The following CBR4 variants were observed in gnomAD, a reference collection of about 807,000 sequenced individuals.
CBR4 encodes 3-oxoacyl-[acyl-carrier-protein] reductase.
A neutral mutation model predicts 21.0 loss-of-function variants in CBR4; 22 were observed. The ratio of observed to expected loss-of-function variants is 1.05; its 90% confidence interval spans 0.75 to 1.50. The LOEUF (loss-of-function observed/expected upper bound fraction) is 1.50, where lower values mean the gene tolerates loss of function less well. Ranked by LOEUF, CBR4 falls within the 40% of genes most tolerant of loss-of-function variation. CBR4 has a pLI of 0.00. For synonymous variants in CBR4, 100 were observed against 104.4 expected (o/e 0.96, Z 0.26); for missense variants, 302 against 286.3 (o/e 1.05, Z -0.40).
At chr4:168,955,195 G>A (rs540351966) in intron 2 of CBR4, among the ~76,000 whole-genome samples, 64 of 152,290 alleles carry the variant, frequency 4.2e-4, no homozygotes, top group Non-Finnish European at 6.6e-4. Context: ...GCAATGTAGG[G>A]TGCTAGTCAA....
At chr4:168,990,479 C>A in intron 4 of CBR4, 151 bp from the exon 5 acceptor site, 1 of 619,380 alleles carries the variant, frequency 1.6e-6, no homozygotes, top group Non-Finnish European at 2.5e-6. Flanking sequence ...CTCTGTCACC[C>A]AAGCTAGAAT....
chr4:168,995,386 C>T (rs545819153), intron 4 of CBR4, among the ~76,000 whole-genome samples: 6 of 151,966 alleles, frequency 3.9e-5, no homozygotes, highest in South Asian at 2.1e-4. Flanking sequence ...TTTTTCACCT[C>T]GGGGAAAAAA....
chr4:168,923,806 T>TCATGGCAAA (rs1328098010), intron 2 of CBR4, among the ~76,000 whole-genome samples: 1 of 152,186 alleles, frequency 6.6e-6, no homozygotes, highest in Admixed American at 6.5e-5. Flanking sequence ...TTCAGAATAT[T>TCATGGCAAA]CATGGCAAAC....
chr4:168,905,145 T>TC, intron 2 of CBR4, among the ~76,000 whole-genome samples: 1 of 33,328 alleles, frequency 3.0e-5, no homozygotes, highest in South Asian at 1.7e-3. Context: ...TTGGTTTTTT[T>TC]TTTTTTTTTT....
intron 2 of CBR4, among the ~76,000 whole-genome samples, chr4:168,910,056 TAG>T (rs1038538588): frequency 6.6e-6 from 1 of 152,076 alleles, no homozygotes; most frequent in African/African-American, 2.4e-5. Context: ...GGTATCAGAA[TAG>T]AGAGATTACA....
At chr4:168,953,962 C>A (rs1199252823) in intron 2 of CBR4, among the ~76,000 whole-genome samples, 1 of 151,970 alleles carries the variant, frequency 6.6e-6, no homozygotes, top group Non-Finnish European at 1.5e-5. Flanking sequence ...AGAAAAGGAA[C>A]TCTCAGAAAG....
In CBR4 at chr4:168,987,689, AG is replaced by A. The variant is rs1293591369; in HGVS notation, c.*2460del. ...TACACATATTCCTTTTGAAAATCTT[AG>A]AAAAAATGTTTCACCAATGTTAAGG... On this transcript the variant is annotated 3_prime_UTR_variant, in exon 5 of 5. Coordinates refer to ENST00000306193, the MANE Select transcript of CBR4 (RefSeq NM_032783.5). 1.0e-6 allele frequency: 1 copy of A among 981,970 alleles called. No homozygotes were observed. Among genetic ancestry groups the A allele is most frequent in the Non-Finnish European group, 1.2e-6 (1 of 826,848 alleles). 60.8% of individuals were successfully genotyped at this position (981,970 alleles called of 1,614,324 possible). A position where few individuals can be genotyped will look rare whatever the true frequency, so the allele number is the denominator to read the frequency against.
rs70961566 is a variant in CBR4 at position 168,971,436 on chromosome 4, A to ATTTTTTTTTTTTTTTTTTTTT, written n.169+30614_169+30634dup. ...AGGCACACACCACCATGCCCAGCTC[A>ATTTTTTTTTTTTTTTTTTTTT]TTTTTTTTTTTTTTTTTTTTTTGTA... On this transcript the variant is annotated intron_variant and non_coding_transcript_variant, in intron 2 of 3. Transcript: ENST00000509108. Among the ~76,000 whole-genome samples the ATTTTTTTTTTTTTTTTTTTTT allele has an allele frequency of 4.4e-5, 5 of 114,118 alleles. 1 individual carries two copies. The highest frequency in any genetic ancestry group is 7.0e-5 in the Non-Finnish European group (4 of 57,154). The allele number at this position is 114,118 out of a possible 152,430, so 74.9% of individuals were successfully genotyped here. A position where few individuals can be genotyped will look rare whatever the true frequency, so the allele number is the denominator to read the frequency against.
intron 2 of CBR4, among the ~76,000 whole-genome samples, chr4:168,916,902 T>A (rs1458882912): frequency 6.6e-6 from 1 of 150,752 alleles, no homozygotes; most frequent in Non-Finnish European, 1.5e-5. Context: ...AACTCCTGAC[T>A]TCATGATCCG....
intron 2 of CBR4, among the ~76,000 whole-genome samples, chr4:168,935,289 T>C (rs775642028): frequency 6.6e-6 from 1 of 152,272 alleles, no homozygotes; most frequent in Admixed American, 6.5e-5. Context: ...ATAGACCAGA[T>C]GCCTGTGCCA....
chr4:168,923,806 TCATGGCAAA>T (rs1328098010), intron 2 of CBR4, among the ~76,000 whole-genome samples: 1 of 152,186 alleles, frequency 6.6e-6, no homozygotes. Context: ...TTCAGAATAT[TCATGGCAAA>T]CATGGCAAAC....
At chr4:169,008,590 C>CGAT (rs959208993) in intron 1 of CBR4, among the ~76,000 whole-genome samples, 2 of 152,126 alleles carry the variant, frequency 1.3e-5, no homozygotes, top group African/African-American at 4.8e-5. Flanking sequence ...AGATGAAAAC[C>CGAT]AATCACTCAT....
intron 2 of CBR4, among the ~76,000 whole-genome samples, chr4:168,971,656 T>C (rs1297636085): frequency 6.6e-6 from 1 of 152,146 alleles, no homozygotes; most frequent in Non-Finnish European, 1.5e-5. Context: ...TATTTGTTTT[T>C]TTCTTGCTGA....
chr4:168,924,353 G>A lies in CBR4; in HGVS notation n.170-29588C>T, dbSNP rs115621618. On this transcript the variant is annotated intron_variant and non_coding_transcript_variant, in intron 2 of 3. Transcript: ENST00000509108. ...GCGGCTGGAATGTCGTGTATTGGGAGTGCCACCACCTCAGATATTTTGGAA... is the reference window on the plus strand; with the variant it reads ...GCGGCTGGAATGTCGTGTATTGGGAATGCCACCACCTCAGATATTTTGGAA... 1 of 1,613,926 alleles carries A rather than the reference G, an allele frequency of 6.2e-7. No homozygotes were observed. Among genetic ancestry groups the A allele is most frequent in the South Asian group, 1.1e-5 (1 of 91,076 alleles).
intron 2 of CBR4, among the ~76,000 whole-genome samples, chr4:168,916,441 G>A (rs1445452184): frequency 2.0e-5 from 3 of 151,584 alleles, no homozygotes; most frequent in Non-Finnish European, 2.9e-5. Flanking sequence ...TTAAGGGGGG[G>A]AAAAAGTGAA....
chr4:168,917,300 G>A (rs1030666445), intron 2 of CBR4, among the ~76,000 whole-genome samples: 2 of 151,364 alleles, frequency 1.3e-5, no homozygotes, highest in Admixed American at 6.6e-5. Context: ...CGCCCTCCTC[G>A]GCCTTCCAAA....
chr4:168,986,817 C>G (rs983068222), downstream of CBR4, among the ~76,000 whole-genome samples: 1 of 152,080 alleles, frequency 6.6e-6, no homozygotes, highest in African/African-American at 2.4e-5. Context: ...GGGTTAATAC[C>G]TGTTGTCTCA....
intron 2 of CBR4, chr4:168,924,331 G>C: frequency 6.2e-7 from 1 of 1,613,864 alleles, no homozygotes; most frequent in Non-Finnish European, 8.5e-7. Context: ...ACCCAGTGCG[G>C]CTGGAATGTC....
At chr4:168,946,023 C>T (rs1222450343) in intron 2 of CBR4, among the ~76,000 whole-genome samples, 2 of 152,146 alleles carry the variant, frequency 1.3e-5, no homozygotes, top group Non-Finnish European at 2.9e-5. Flanking sequence ...TTCTGCAAGT[C>T]AACAGAAGGG....
Sources: gnomAD v4.1 joint callset for allele counts (sites outside exome capture counted in the v4.1 genomes callset) on GRCh38, gnomAD v4.1.1 for gene constraint, MANE v1.5 for transcripts, NCBI Gene and HGNC (gene_info 2026-07-23, HGNC 2026-07-21) for gene names.